The following SPIDR variants were observed in gnomAD, a reference collection of about 807,000 sequenced individuals.
SPIDR encodes DNA repair-scaffolding protein.
SPIDR carries 93 observed loss-of-function variants against 104.6 expected under a neutral mutation model. The observed-to-expected ratio is 0.89, with a 90% CI of 0.75 to 1.06. SPIDR has a LOEUF of 1.06. Ranked by LOEUF, SPIDR falls within the 50% of genes least tolerant of loss-of-function variation. The pLI is 0.00. For synonymous variants in SPIDR, 431 were observed against 416.9 expected (o/e 1.03, Z -0.41); for missense variants, 1,154 against 1,111.2 (o/e 1.04, Z -0.55).
chr8:47,310,958 GA>G, intron 5 of SPIDR, among the ~76,000 whole-genome samples: 1 of 152,250 alleles, frequency 6.6e-6, no homozygotes, highest in African/African-American at 2.4e-5. Flanking sequence ...TACACAAACA[GA>G]AAAATGTGAC....
At chr8:47,562,316 T>C (rs1587783287) in intron 8 of SPIDR, among the ~76,000 whole-genome samples, 2 of 152,332 alleles carry the variant, frequency 1.3e-5, no homozygotes, top group African/African-American at 4.8e-5. Context: ...TGTGTAACAG[T>C]TGGTCAGTGG....
At chr8:47,264,838 A>G (rs948484659) in intron 1 of SPIDR, among the ~76,000 whole-genome samples, 6 of 152,160 alleles carry the variant, frequency 3.9e-5, no homozygotes, top group African/African-American at 1.4e-4. Flanking sequence ...ATGAGAATGC[A>G]TGCGATGATA....
intron 10 of SPIDR, among the ~76,000 whole-genome samples, chr8:47,616,278 T>C (rs2064299828): frequency 6.6e-6 from 1 of 152,230 alleles, no homozygotes; most frequent in Non-Finnish European, 1.5e-5. Flanking sequence ...CTTTCACCAT[T>C]GAGTGTGTTA....
chr8:47,724,050 T>C (rs2083842032), intron 16 of SPIDR, among the ~76,000 whole-genome samples: 1 of 152,252 alleles, frequency 6.6e-6, no homozygotes, highest in Non-Finnish European at 1.5e-5. Flanking sequence ...TCTAGTATTC[T>C]TCCTTTCTTT....
At chr8:47,552,696 T>G (rs981424157) in intron 8 of SPIDR, among the ~76,000 whole-genome samples, 9 of 152,174 alleles carry the variant, frequency 5.9e-5, no homozygotes, top group Non-Finnish European at 1.0e-4. Context: ...CACACTGATG[T>G]GTCTTGACTC....
intron 10 of SPIDR, among the ~76,000 whole-genome samples, chr8:47,654,563 T>G (rs767505811): frequency 1.2e-4 from 18 of 152,202 alleles, no homozygotes; most frequent in Non-Finnish European, 2.4e-4. Context: ...GCAGTGATTT[T>G]ATTCTGTGTA....
At chr8:47,438,529 A>C (rs2068788733) in intron 7 of SPIDR, among the ~76,000 whole-genome samples, 1 of 152,166 alleles carries the variant, frequency 6.6e-6, no homozygotes, top group African/African-American at 2.4e-5. Flanking sequence ...GCTACTTTTC[A>C]TTAACAAAAT....
At chr8:47,490,246 A>C (rs2078453928) in intron 8 of SPIDR, among the ~76,000 whole-genome samples, 2 of 152,356 alleles carry the variant, frequency 1.3e-5, no homozygotes, top group South Asian at 4.1e-4. Flanking sequence ...CACATGAAAA[A>C]TTGCTCATCA....
At chr8:47,477,918 G>A (rs1554724593) in intron 8 of SPIDR, among the ~76,000 whole-genome samples, 1 of 152,176 alleles carries the variant, frequency 6.6e-6, no homozygotes, top group Admixed American at 6.5e-5. Context: ...AAAGACAGCT[G>A]CGCTTAGCTG....
intron 10 of SPIDR, among the ~76,000 whole-genome samples, chr8:47,671,585 A>AAAATAAATAAATAAATAAAT (rs60133278): frequency 0.021 from 3,040 of 142,734 alleles, 45 homozygotes; most frequent in African/African-American, 0.042. Context: ...ACTCCATCTC[A>AAAATAAATAAATAAATAAAT]AAATAAATAA....
intron 6 of SPIDR, among the ~76,000 whole-genome samples, chr8:47,401,450 T>A (rs894641831): frequency 6.6e-6 from 1 of 152,104 alleles, no homozygotes; most frequent in East Asian, 1.9e-4. Context: ...CCAGCTAACA[T>A]CATAATGACA....
intron 5 of SPIDR, among the ~76,000 whole-genome samples, chr8:47,396,062 T>C (rs887070581): frequency 6.6e-6 from 1 of 152,242 alleles, no homozygotes; most frequent in Non-Finnish European, 1.5e-5. Flanking sequence ...TGTTATTAGT[T>C]CAGTTTTGGA....
rs534568757 is a variant in SPIDR, at chr8:47,545,969, G to C, written c.1098-49842G>C. On this transcript the variant is annotated intron_variant, in intron 8 of 19. Transcript: ENST00000297423. ...ATGTTGAACTAGCCTTGCATCCCTG[G>C]AATAAACTCATCTTTGTTATGATGT... is the stretch of plus-strand genomic sequence containing the variant. 2.0e-5 allele frequency among the ~76,000 whole-genome samples: 3 copies of C among 152,082 alleles called. No individual in the cohort carries two copies. The East Asian group carries it at 5.8e-4, about 29-fold the overall frequency.
Position 47,396,516 on chromosome 8 carries a change from A to G in SPIDR, c.666A>G (p.Arg222=). 6.2e-7 allele frequency: 1 copy of G among 1,614,152 alleles called. No homozygotes were observed. The highest frequency in any genetic ancestry group is 8.5e-7 in the Non-Finnish European group (1 of 1,180,026). ...FASDARQIME[R]LIDPRTKSTE... is the part of the protein sequence containing the mutation. ...CGGATGCAAGACAGATTATGGAGAGACTGATAGATCCAAGGACAAAATCAA... is the reference window on the plus strand; with the variant it reads ...CGGATGCAAGACAGATTATGGAGAGGCTGATAGATCCAAGGACAAAATCAA... The change falls in exon 6 of 20, where the codon AGA becomes AGG. Residue 222 remains arginine (R), a synonymous_variant. Coordinates refer to ENST00000297423, the MANE Select transcript of SPIDR (RefSeq NM_001080394.4).
At chr8:47,499,058 T>C (rs899933574) in intron 8 of SPIDR, among the ~76,000 whole-genome samples, 5 of 152,148 alleles carry the variant, frequency 3.3e-5, no homozygotes, top group African/African-American at 1.2e-4. Context: ...ATTCTAACTG[T>C]TTAGCAAAAG....
At chr8:47,619,573 GC>G (rs1362819888) in intron 10 of SPIDR, among the ~76,000 whole-genome samples, 1 of 151,080 alleles carries the variant, frequency 6.6e-6, no homozygotes, top group African/African-American at 2.4e-5. Context: ...CAGTCTGTTT[GC>G]TTTTTCTACA....
rs373123589 is a variant in SPIDR at position 47,576,200 on chromosome 8, G to A, written c.1098-19611G>A. Among the ~76,000 whole-genome samples the A allele has an allele frequency of 7.9e-5, 12 of 152,112 alleles. No homozygotes were observed. The East Asian group carries it at 2.1e-3, about 27-fold the overall frequency. ...ACGGAGTCTCACTCTTGCCCAGGCT[G>A]GAATGCAATGGCACAATTTCAGCTC... is the stretch of plus-strand genomic sequence containing the variant. On this transcript the variant is annotated intron_variant, in intron 8 of 19. Transcript: ENST00000297423.
At chr8:47,416,999 G>A (rs1338523855) in intron 7 of SPIDR, among the ~76,000 whole-genome samples, 1 of 152,122 alleles carries the variant, frequency 6.6e-6, no homozygotes, top group Non-Finnish European at 1.5e-5. Flanking sequence ...GTGTATATGT[G>A]CCACATTTTC....
intron 8 of SPIDR, among the ~76,000 whole-genome samples, chr8:47,444,005 A>G (rs72646332): frequency 0.03 from 4,505 of 152,332 alleles, 98 homozygotes; most frequent in Non-Finnish European, 0.047. Context: ...AAATAGTCAT[A>G]GAATTATATA....
Sources: gnomAD v4.1 joint callset for allele counts (sites outside exome capture counted in the v4.1 genomes callset) on GRCh38, gnomAD v4.1.1 for gene constraint, MANE v1.5 for transcripts, NCBI Gene and HGNC (gene_info 2026-07-23, HGNC 2026-07-21) for gene names.